The following CRYBG1 variants were observed in gnomAD, a reference collection of about 807,000 sequenced individuals.
CRYBG1 encodes beta/gamma crystallin domain-containing protein 1.
CRYBG1 carries 139 observed loss-of-function variants against 189.2 expected under a neutral mutation model. The ratio of observed to expected loss-of-function variants is 0.73; its 90% CI spans 0.64 to 0.85. The LOEUF is 0.85. Ranked by LOEUF, CRYBG1 falls within the 40% of genes least tolerant of loss-of-function variation. The probability of loss-of-function intolerance (pLI) is 0.00; values close to 1 mark genes in which losing one functional copy is unlikely to be tolerated. For synonymous variants in CRYBG1, 1,023 were observed against 1,017.1 expected, an observed-to-expected ratio of 1.01 and a Z score of -0.11; for missense variants, 2,611 against 2,675.8, an observed-to-expected ratio of 0.98 and a Z score of 0.53.
intron 7 of CRYBG1, 135 bp from the exon 8 acceptor site, chr6:106,530,041 T>C (rs774362660): frequency 2.8e-5 from 21 of 746,704 alleles, no homozygotes; most frequent in Non-Finnish European, 4.2e-5. Flanking sequence ...AGGGCTAAAA[T>C]GGCAGGTGCT....
Position 106,561,426 on chromosome 6 carries a change from A to G in CRYBG1, c.6064A>G (p.Arg2022Gly). ...AAACTTAGAGGATCTGAAGCTTCTG[A>G]GGATACAGGTCATGGAGGATGTCGG... ...NGNLEDLKLL[R>G]IQVMEDVGAD... The change falls in exon 20 of 22, where the codon AGG (arginine) becomes GGG (glycine). Residue 2022 changes from arginine (R) to glycine (G), a missense_variant. Arg to Gly is a moderately radical substitution (Grantham distance 125). Coordinates refer to ENST00000633556, the MANE Select transcript of CRYBG1 (RefSeq NM_001371242.2). The G allele has an allele frequency of 1.2e-6, 2 of 1,614,182 alleles. No homozygotes were observed. The highest frequency in any genetic ancestry group is 8.5e-7 in the Non-Finnish European group (1 of 1,180,012).
intron 9 of CRYBG1, among the ~76,000 whole-genome samples, chr6:106,539,738 C>T (rs1050938293): frequency 2.7e-5 from 4 of 149,360 alleles, no homozygotes; most frequent in Non-Finnish European, 5.9e-5. Context: ...AAGACTATGT[C>T]CTTTGTCTTT....
chr6:106,436,452 C>T (rs1771460276), intron 1 of CRYBG1, among the ~76,000 whole-genome samples: 1 of 152,174 alleles, frequency 6.6e-6, no homozygotes, highest in Non-Finnish European at 1.5e-5. Context: ...GCGCCGCCAC[C>T]TCGCCCTACT....
At chr6:106,387,255 CTG>C (rs1252995923) in intron 1 of CRYBG1, among the ~76,000 whole-genome samples, 5 of 151,968 alleles carry the variant, frequency 3.3e-5, no homozygotes, top group Admixed American at 6.6e-5. Flanking sequence ...CATAGTAAGA[CTG>C]TCACTGGAAT....
At chr6:106,501,346 A>G (rs1773007168) in intron 2 of CRYBG1, among the ~76,000 whole-genome samples, 1 of 152,176 alleles carries the variant, frequency 6.6e-6, no homozygotes, top group Non-Finnish European at 1.5e-5. Context: ...GAGTAGGCTT[A>G]TATTGTTTTC....
At chr6:106,449,974 C>T (rs765886770) in intron 1 of CRYBG1, among the ~76,000 whole-genome samples, 3 of 152,132 alleles carry the variant, frequency 2.0e-5, no homozygotes, top group Admixed American at 6.5e-5. Context: ...CCTGTAATCC[C>T]GGCACTTTGG....
At chr6:106,399,319 A>G (rs756110320) in intron 1 of CRYBG1, among the ~76,000 whole-genome samples, 3 of 152,174 alleles carry the variant, frequency 2.0e-5, no homozygotes, top group Non-Finnish European at 4.4e-5. Flanking sequence ...CCACCCTTTA[A>G]TCATATAAGT....
At chr6:106,503,393 C>T (rs1773051256) in intron 2 of CRYBG1, among the ~76,000 whole-genome samples, 1 of 152,236 alleles carries the variant, frequency 6.6e-6, no homozygotes, top group African/African-American at 2.4e-5. Flanking sequence ...CTATCACATC[C>T]ATTGCTGTAC....
chr6:106,503,835 G>A (rs1773064458), intron 2 of CRYBG1, among the ~76,000 whole-genome samples: 1 of 151,994 alleles, frequency 6.6e-6, no homozygotes, highest in Admixed American at 6.6e-5. Flanking sequence ...AGCTTTTTGG[G>A]AGAATGAAAT....
intron 1 of CRYBG1, among the ~76,000 whole-genome samples, chr6:106,376,827 T>A (rs1770173732): frequency 6.6e-6 from 1 of 152,198 alleles, no homozygotes. Flanking sequence ...GGTACGCTCT[T>A]TATATTTTAG....
At chr6:106,500,744 T>C (rs1358068245) in intron 2 of CRYBG1, among the ~76,000 whole-genome samples, 1 of 152,228 alleles carries the variant, frequency 6.6e-6, no homozygotes, top group Non-Finnish European at 1.5e-5. Flanking sequence ...TGGTTTTCTT[T>C]TCCATTTCCC....
chr6:106,427,176 A>G (rs966034029), intron 1 of CRYBG1, among the ~76,000 whole-genome samples: 1 of 152,068 alleles, frequency 6.6e-6, no homozygotes, highest in African/African-American at 2.4e-5. Flanking sequence ...ACAGCTTTAG[A>G]TCATCTGTAT....
chr6:106,568,088 T>A (rs1443933261), intron 21 of CRYBG1, among the ~76,000 whole-genome samples: 1 of 107,764 alleles, frequency 9.3e-6, no homozygotes, highest in Non-Finnish European at 1.8e-5. Context: ...GAATCTACCA[T>A]CTCACCACCA....
intron 1 of CRYBG1, among the ~76,000 whole-genome samples, chr6:106,450,793 A>G (rs1382177594): frequency 6.6e-6 from 1 of 152,238 alleles, no homozygotes; most frequent in East Asian, 1.9e-4. Flanking sequence ...CTCTTCTTGT[A>G]GAAGACCTTT....
At chr6:106,559,550 AAAGCG>A (rs1774648027) in intron 18 of CRYBG1, among the ~76,000 whole-genome samples, 1 of 152,140 alleles carries the variant, frequency 6.6e-6, no homozygotes, top group Non-Finnish European at 1.5e-5. Flanking sequence ...TTGGGAGGGC[AAAGCG>A]GGTGGATCAC....
At chr6:106,378,830 T>C (rs924925663) in intron 1 of CRYBG1, among the ~76,000 whole-genome samples, 8 of 152,318 alleles carry the variant, frequency 5.3e-5, no homozygotes, top group Admixed American at 3.3e-4. Context: ...CTTCTTCCCT[T>C]TTTTTAAAAC....
At chr6:106,534,680 T>C (rs1773959950) in intron 8 of CRYBG1, among the ~76,000 whole-genome samples, 1 of 152,190 alleles carries the variant, frequency 6.6e-6, no homozygotes, top group African/African-American at 2.4e-5. Flanking sequence ...TTTGAGGAAA[T>C]GAGTGATTTC....
intron 1 of CRYBG1, among the ~76,000 whole-genome samples, chr6:106,383,979 A>T (rs1248576497): frequency 6.6e-6 from 1 of 152,210 alleles, no homozygotes; most frequent in African/African-American, 2.4e-5. Flanking sequence ...CCTTGTTCAT[A>T]AACTGCATTT....
intron 2 of CRYBG1, among the ~76,000 whole-genome samples, chr6:106,459,772 G>A (rs752494451): frequency 6.6e-6 from 1 of 151,660 alleles, no homozygotes; most frequent in Non-Finnish European, 1.5e-5. Flanking sequence ...TTATTTTTGC[G>A]GGATAAATTC....
Sources: gnomAD v4.1 joint callset for allele counts (sites outside exome capture counted in the v4.1 genomes callset) on GRCh38, gnomAD v4.1.1 for gene constraint, MANE v1.5 for transcripts, NCBI Gene and HGNC (gene_info 2026-07-23, HGNC 2026-07-21) for gene names.